Variants in COPB1 observed in about 807,000 individuals in gnomAD.
COPB1 encodes the protein coat protein complex I subunit beta 1.
A neutral mutation model predicts 108.7 loss-of-function variants in COPB1; 21 were observed. The observed-to-expected ratio is 0.19, with a 90% CI of 0.14 to 0.28. The LOEUF (loss-of-function observed/expected upper bound fraction) is 0.28, where lower values mean the gene tolerates loss of function less well. Among genes scored for constraint, COPB1 ranks in the 10% least tolerant of loss-of-function variants. The probability of loss-of-function intolerance (pLI) is 1.00; values close to 1 mark genes in which losing one functional copy is unlikely to be tolerated. For synonymous variants in COPB1, 378 were observed against 386.8 expected, an observed-to-expected ratio of 0.98 and a Z score of 0.27; for missense variants, 919 against 1,141.3, an observed-to-expected ratio of 0.81 and a Z score of 2.81.
intron 2 of COPB1, among the ~76,000 whole-genome samples, chr11:14,495,225 A>G (rs1358030553): frequency 6.6e-6 from 1 of 152,254 alleles, no homozygotes; most frequent in Admixed American, 6.5e-5. Flanking sequence ...TTCTGGATCC[A>G]AAACTCAAAG....
chr11:14,457,814 T>C lies in COPB1; in HGVS notation c.*10A>G, dbSNP rs1258649532. The C allele has an allele frequency of 1.9e-6, 3 of 1,553,142 alleles. No individual in the cohort carries two copies. The highest frequency in any genetic ancestry group is 1.1e-5 in the South Asian group (1 of 88,822). On this transcript the variant is annotated 3_prime_UTR_variant, in exon 22 of 22. Coordinates refer to ENST00000439561, the MANE Select transcript of COPB1 (RefSeq NM_001144061.2). Reference sequence around the variant, plus strand: ...TTAACTGTAAAGCTTCAAGGACTTTTTGTTTATTTTTATATACTAGTTTTC... The same window carrying C: ...TTAACTGTAAAGCTTCAAGGACTTTCTGTTTATTTTTATATACTAGTTTTC...
chr11:14,487,138 T>C (rs1361952940), intron 6 of COPB1, among the ~76,000 whole-genome samples: 1 of 152,248 alleles, frequency 6.6e-6, no homozygotes, highest in Non-Finnish European at 1.5e-5. Context: ...TAAAAATTTC[T>C]ATCCCATTCT....
chr11:14,480,552 G>A (rs2134114135), intron 10 of COPB1, among the ~76,000 whole-genome samples: 1 of 151,990 alleles, frequency 6.6e-6, no homozygotes, highest in African/African-American at 2.4e-5. Flanking sequence ...TTTGGTCACT[G>A]TTTTTGTTTT....
At chr11:14,472,992 C>G (rs1431292932) in intron 14 of COPB1, among the ~76,000 whole-genome samples, 1 of 151,828 alleles carries the variant, frequency 6.6e-6, no homozygotes, top group African/African-American at 2.4e-5. Context: ...TTTTTTTCCT[C>G]GAGACGGAGT....
chr11:14,477,852 G>A (rs914878003), intron 11 of COPB1, among the ~76,000 whole-genome samples: 21 of 148,926 alleles, frequency 1.4e-4, no homozygotes, highest in Non-Finnish European at 2.7e-4. Flanking sequence ...AGCCGAGATC[G>A]CGCCACTGCA....
chr11:14,489,190 C>T (rs2575859), intron 5 of COPB1, among the ~76,000 whole-genome samples: 100,935 of 152,016 alleles, frequency 0.66, 33,717 homozygotes, highest in African/African-American at 0.7. Context: ...TTCACGTGCC[C>T]ATTAACATTG....
chr11:14,492,057 T>C (rs1348216236), intron 4 of COPB1, among the ~76,000 whole-genome samples: 1 of 152,220 alleles, frequency 6.6e-6, no homozygotes, highest in African/African-American at 2.4e-5. Flanking sequence ...AATTTACCTC[T>C]TGCCATATTA....
intron 18 of COPB1, among the ~76,000 whole-genome samples, chr11:14,462,232 T>A (rs536118948): frequency 6.6e-6 from 1 of 150,782 alleles, no homozygotes; most frequent in African/African-American, 2.4e-5. Context: ...TCTTTTCTTT[T>A]CTTTTTTTTT....
chr11:14,481,101 A>C lies in COPB1; in HGVS notation c.958-4T>G, dbSNP rs375670951. The C allele has an allele frequency of 3.7e-4, 587 of 1,596,050 alleles. No homozygotes were observed. The highest frequency in any genetic ancestry group is 8.4e-4 in the Middle Eastern group (5 of 5,976). On this transcript the variant is annotated splice_region_variant and splice_polypyrimidine_tract_variant and intron_variant, in intron 8 of 21. Coordinates refer to ENST00000439561, the MANE Select transcript of COPB1 (RefSeq NM_001144061.2). ...TTAGGATATCCATAACCAGATCCTA[A>C]AAAAGAAGAAAAAATCAAGAATTAA...
chr11:14,478,156 T>C (rs1362583668), intron 11 of COPB1, among the ~76,000 whole-genome samples: 1 of 152,140 alleles, frequency 6.6e-6, no homozygotes. Context: ...TTCTTATTAT[T>C]AGGAACATTC....
intron 21 of COPB1, 90 bp downstream of exon 21, chr11:14,458,442 A>G (rs1850074131): frequency 5.4e-6 from 7 of 1,296,392 alleles, no homozygotes; most frequent in Non-Finnish European, 7.4e-6. Flanking sequence ...TCTAATGCTA[A>G]AAAGATACTA....
At chr11:14,472,974 C>CT (rs746029017) in intron 14 of COPB1, among the ~76,000 whole-genome samples, 1 of 151,988 alleles carries the variant, frequency 6.6e-6, no homozygotes, top group Non-Finnish European at 1.5e-5. Flanking sequence ...CGCTTTCTTT[C>CT]TTCTTCTTTT....
intron 7 of COPB1, among the ~76,000 whole-genome samples, 160 bp from the exon 8 acceptor site, chr11:14,483,311 A>G (rs1850704255): frequency 6.6e-6 from 1 of 152,028 alleles, no homozygotes; most frequent in South Asian, 2.1e-4. Context: ...TAGAGTTTAT[A>G]TATTATACAT....
chr11:14,472,862 A>C (rs1850437753), intron 14 of COPB1, among the ~76,000 whole-genome samples: 1 of 152,230 alleles, frequency 6.6e-6, no homozygotes, highest in South Asian at 2.1e-4. Context: ...GAAGAGAGTT[A>C]AGGTCTTAGT....
In COPB1 at chr11:14,469,568, G is replaced by C; in HGVS notation, c.1738-5C>G. On this transcript the variant is annotated splice_region_variant and splice_polypyrimidine_tract_variant and intron_variant, in intron 14 of 21. Coordinates refer to ENST00000439561, the MANE Select transcript of COPB1 (RefSeq NM_001144061.2). ...CATAGCCTCAGCAACAAAAGACTAA[G>C]AAAGTAAAGAAATCGGTTACTGATA... is the stretch of plus-strand genomic sequence containing the variant. The C allele has an allele frequency of 6.2e-7, 1 of 1,609,698 alleles. No homozygotes were observed. Among genetic ancestry groups the C allele is most frequent in the African/African-American group, 1.3e-5 (1 of 74,934 alleles).
chr11:14,459,309 CT>C (rs1191605265), intron 20 of COPB1, among the ~76,000 whole-genome samples: 1 of 152,122 alleles, frequency 6.6e-6, no homozygotes, highest in Non-Finnish European at 1.5e-5. Context: ...GAAGAGACTA[CT>C]TTTGTTGGAC....
chr11:14,486,586 T>C lies in COPB1; in HGVS notation c.700-82A>G, dbSNP rs767703815. Reference sequence around the variant, plus strand: ...GAGTTTTTTCATGAATGTCAGCTTATGGGATGCTAGTTTTCTCAATATGAA... The same window carrying C: ...GAGTTTTTTCATGAATGTCAGCTTACGGGATGCTAGTTTTCTCAATATGAA... On this transcript the variant is annotated intron_variant, in intron 6 of 21. Transcript: ENST00000439561. The C allele has an allele frequency of 4.6e-6, 7 of 1,533,914 alleles. No homozygotes were observed. In the African/African-American group the frequency reaches 6.9e-5, roughly 15 times the overall value.
rs1408918444 is a variant in COPB1, at chr11:14,498,841, G to A, written c.88C>T (p.Leu30=). The A allele has an allele frequency of 3.1e-6, 5 of 1,593,610 alleles. No individual in the cohort carries two copies. Among genetic ancestry groups the A allele is most frequent in the South Asian group, 1.2e-5 (1 of 86,330 alleles). ...PPSEISLKND[L]EKGDVKSKTE... ...TCAAAATAATATCGAAGTTTACCTA[G>A]ATCATTTTTTAAGCTAATTTCAGAT... Residue 30 remains leucine (L), a synonymous_variant, in exon 2 of 22, where the codon CTA becomes TTA. Coordinates refer to ENST00000439561, the MANE Select transcript of COPB1 (RefSeq NM_001144061.2).
intron 3 of COPB1, 80 bp from the exon 4 acceptor site, chr11:14,493,891 GA>G (rs1850962058): frequency 2.2e-5 from 27 of 1,214,908 alleles, no homozygotes; most frequent in Admixed American, 3.0e-5. Flanking sequence ...CTTTCCAATG[GA>G]AAAAAAATAC....
Sources: allele counts gnomAD v4.1 joint callset (sites outside exome capture counted in the v4.1 genomes callset), GRCh38; gene constraint gnomAD v4.1.1; transcripts MANE v1.5; gene names NCBI Gene and HGNC (gene_info 2026-07-23, HGNC 2026-07-21).